Variants in PSD3 observed in about 807,000 individuals in gnomAD.
PSD3 encodes PH and SEC7 domain-containing protein 3.
In PSD3, 49 loss-of-function variants were observed where a neutral mutation model predicts 105.5. The ratio of observed to expected loss-of-function variants is 0.46; its 90% confidence interval spans 0.37 to 0.59. The LOEUF (loss-of-function observed/expected upper bound fraction) is 0.59. PSD3 is among the 20% of genes least tolerant of loss of function. The pLI is 0.00. For missense variants in PSD3, 1,561 were observed against 1,263.8 expected (o/e 1.24, Z -3.57); for synonymous variants, 557 against 457.8 (o/e 1.22, Z -2.77).
chr8:18,927,630 G>C (rs1821454899), intron 2 of PSD3, among the ~76,000 whole-genome samples: 1 of 152,222 alleles, frequency 6.6e-6, no homozygotes, highest in South Asian at 2.1e-4. Context: ...TGTAGCCACT[G>C]ACCCGGGGGC....
chr8:18,839,405 G>C (rs932113739), intron 4 of PSD3, among the ~76,000 whole-genome samples: 2 of 152,150 alleles, frequency 1.3e-5, no homozygotes, highest in Non-Finnish European at 2.9e-5. Flanking sequence ...CCTTGTAAAA[G>C]ATCTATTGTC....
chr8:18,985,995 T>C (rs1304610379), intron 1 of PSD3, among the ~76,000 whole-genome samples: 1 of 152,164 alleles, frequency 6.6e-6, no homozygotes, highest in East Asian at 1.9e-4. Flanking sequence ...AAGATTACAG[T>C]TGTATCTAAA....
chr8:18,755,151 G>A (rs1025364582), intron 9 of PSD3, among the ~76,000 whole-genome samples: 3 of 152,184 alleles, frequency 2.0e-5, no homozygotes, highest in African/African-American at 7.2e-5. Flanking sequence ...AAACAAGGCC[G>A]GGTGCAGCAG....
intron 8 of PSD3, among the ~76,000 whole-genome samples, chr8:18,792,227 AG>A (rs1809789851): frequency 6.6e-6 from 1 of 152,244 alleles, no homozygotes; most frequent in African/African-American, 2.4e-5. Flanking sequence ...ATATATGTAA[AG>A]GAACAGAAAT....
chr8:18,928,768 G>A (rs1428485265), intron 2 of PSD3, among the ~76,000 whole-genome samples: 2 of 114,056 alleles, frequency 1.8e-5, no homozygotes, highest in Admixed American at 9.3e-5. Context: ...TTCTTTCTTT[G>A]TTTCCTTCCT....
intron 2 of PSD3, among the ~76,000 whole-genome samples, chr8:18,910,142 T>C (rs907291974): frequency 1.3e-5 from 2 of 152,096 alleles, no homozygotes; most frequent in Non-Finnish European, 2.9e-5. Context: ...ACTGGGTATA[T>C]ACCCAAATGA....
intron 1 of PSD3, among the ~76,000 whole-genome samples, chr8:18,946,837 G>A (rs947339189): frequency 2.4e-4 from 35 of 148,490 alleles, no homozygotes; most frequent in Admixed American, 1.5e-3. Context: ...CCTGGGAGAC[G>A]AAGGTTGCAG....
At chr8:18,856,260 C>G (rs1815999400) in intron 4 of PSD3, among the ~76,000 whole-genome samples, 1 of 152,182 alleles carries the variant, frequency 6.6e-6, no homozygotes, top group African/African-American at 2.4e-5. Context: ...GCTCTCTGGG[C>G]TCTGCACTAG....
intron 1 of PSD3, among the ~76,000 whole-genome samples, chr8:18,964,118 G>T (rs1824099286): frequency 6.6e-6 from 1 of 151,822 alleles, no homozygotes; most frequent in Admixed American, 6.6e-5. Context: ...AATAACTCGG[G>T]TTTTTTTTGT....
intron 1 of PSD3, among the ~76,000 whole-genome samples, chr8:19,043,250 T>C (rs1375438091): frequency 6.6e-6 from 1 of 152,182 alleles, no homozygotes; most frequent in Non-Finnish European, 1.5e-5. Flanking sequence ...ACATGCAGAA[T>C]GACTCCATAT....
chr8:18,902,534 T>C (rs182224276), intron 2 of PSD3, among the ~76,000 whole-genome samples: 116 of 152,318 alleles, frequency 7.6e-4, no homozygotes, highest in African/African-American at 2.7e-3. Flanking sequence ...TATGTTTCTT[T>C]AGTGGTGTCA....
At chr8:18,912,480 AAAAT>A (rs1232861095) in intron 2 of PSD3, among the ~76,000 whole-genome samples, 1 of 152,222 alleles carries the variant, frequency 6.6e-6, no homozygotes, top group Non-Finnish European at 1.5e-5. Flanking sequence ...CAGAAGGAAA[AAAAT>A]ATATATATTC....
intron 1 of PSD3, among the ~76,000 whole-genome samples, chr8:19,022,719 C>A (rs1418069110): frequency 1.3e-5 from 2 of 152,174 alleles, no homozygotes; most frequent in Non-Finnish European, 2.9e-5. Flanking sequence ...TGGAGAGTAG[C>A]ACCCAGCTCT....
At chr8:19,081,832 T>G (rs1286270649) in intron 1 of PSD3, among the ~76,000 whole-genome samples, 1 of 152,178 alleles carries the variant, frequency 6.6e-6, no homozygotes, top group Non-Finnish European at 1.5e-5. Context: ...TTTTCCAAAT[T>G]GACACTAGGA....
intron 10 of PSD3, among the ~76,000 whole-genome samples, chr8:18,649,457 A>G (rs987606849): frequency 2.0e-5 from 3 of 152,168 alleles, no homozygotes; most frequent in Admixed American, 6.5e-5. Context: ...TATTTAGCCA[A>G]TGCCTGTACC....
intron 1 of PSD3, among the ~76,000 whole-genome samples, chr8:19,012,936 G>A (rs1827021591): frequency 6.6e-6 from 1 of 151,944 alleles, no homozygotes; most frequent in Non-Finnish European, 1.5e-5. Flanking sequence ...GAGGGGAATG[G>A]CAAAACGAAA....
chr8:18,688,732 T>G, intron 9 of PSD3, among the ~76,000 whole-genome samples: 1 of 152,184 alleles, frequency 6.6e-6, no homozygotes, highest in South Asian at 2.1e-4. Context: ...AGATTCAATA[T>G]GAAATAATCA....
intron 10 of PSD3, among the ~76,000 whole-genome samples, chr8:18,635,490 T>C (rs779566300): frequency 6.6e-6 from 1 of 152,120 alleles, no homozygotes; most frequent in Non-Finnish European, 1.5e-5. Flanking sequence ...ACACTTACCA[T>C]ACTATGCTTT....
chr8:18,945,817 A>G (rs529083619), intron 1 of PSD3, among the ~76,000 whole-genome samples: 1 of 151,760 alleles, frequency 6.6e-6, no homozygotes, highest in Non-Finnish European at 1.5e-5. Context: ...CTCTACAAAA[A>G]TACAAAAATT....
Sources: gnomAD v4.1 joint callset for allele counts (sites outside exome capture counted in the v4.1 genomes callset) on GRCh38, gnomAD v4.1.1 for gene constraint, MANE v1.5 for transcripts, NCBI Gene and HGNC (gene_info 2026-07-23, HGNC 2026-07-21) for gene names.